Variants in CCDC102B observed in about 807,000 individuals in gnomAD.
CCDC102B encodes coiled-coil domain-containing protein 102B.
In CCDC102B, 75 loss-of-function variants were observed where a neutral mutation model predicts 57.4. The ratio of observed to expected loss-of-function variants is 1.31; its 90% CI spans 1.08 to 1.58. The LOEUF (loss-of-function observed/expected upper bound fraction) is 1.58, where lower values mean the gene tolerates loss of function less well. Among genes scored for constraint, CCDC102B ranks in the 40% most tolerant of loss-of-function variants. The pLI is 0.00. For synonymous variants in CCDC102B, 206 were observed against 201.9 expected (o/e 1.02, Z -0.17); for missense variants, 636 against 582.6 (o/e 1.09, Z -0.94).
At chr18:68,779,886 T>C (rs968908579) in intron 2 of CCDC102B, among the ~76,000 whole-genome samples, 16 of 152,078 alleles carry the variant, frequency 1.1e-4, no homozygotes, top group Non-Finnish European at 2.4e-4. Flanking sequence ...CCATTTAAAA[T>C]GTACAGTTCA....
At chr18:68,781,954 A>G (rs551866930) in intron 2 of CCDC102B, among the ~76,000 whole-genome samples, 7 of 152,242 alleles carry the variant, frequency 4.6e-5, no homozygotes, top group African/African-American at 1.7e-4. Flanking sequence ...TAGACAAATA[A>G]TGTAAATACT....
intron 1 of CCDC102B, among the ~76,000 whole-genome samples, chr18:68,822,996 C>T (rs2036755427): frequency 1.3e-5 from 2 of 152,166 alleles, no homozygotes; most frequent in Admixed American, 6.5e-5. Context: ...CCCCACACTC[C>T]CCTGTAGCAC....
intron 2 of CCDC102B, among the ~76,000 whole-genome samples, chr18:68,752,844 T>G (rs2033911074): frequency 6.6e-6 from 1 of 152,188 alleles, no homozygotes; most frequent in African/African-American, 2.4e-5. Context: ...TGGTGTATAT[T>G]TCTTATTACT....
intron 6 of CCDC102B, among the ~76,000 whole-genome samples, chr18:69,009,924 A>ATTTTT (rs770668683): frequency 0.14 from 4,562 of 33,226 alleles, 1,723 homozygotes; most frequent in Non-Finnish European, 0.22. Flanking sequence ...TTTAATAAAG[A>ATTTTT]TTTTTTTTTT....
intron 1 of CCDC102B, among the ~76,000 whole-genome samples, chr18:68,822,738 T>A (rs1243522638): frequency 6.6e-6 from 1 of 152,234 alleles, no homozygotes; most frequent in Non-Finnish European, 1.5e-5. Flanking sequence ...TTTGGTTTTC[T>A]GTTCTTGCAT....
At chr18:68,751,080 T>C (rs866664778) in intron 2 of CCDC102B, among the ~76,000 whole-genome samples, 1 of 151,942 alleles carries the variant, frequency 6.6e-6, no homozygotes, top group East Asian at 1.9e-4. Flanking sequence ...CACAGAGAGA[T>C]AAAACAATAG....
chr18:68,810,698 T>A lies in CCDC102B; in HGVS notation c.-16+12517T>A, dbSNP rs1017194592. On this transcript the variant is annotated intron_variant, in intron 1 of 7. Coordinates refer to ENST00000360242, the MANE Select transcript of CCDC102B (RefSeq NM_024781.3). ...TTTCTTTGTTTTTTTTTTTTTTTTT[T>A]TTTTTTTTTATGCTTTAAGTTCTAG... Among the ~76,000 whole-genome samples the A allele has an allele frequency of 8.2e-5, 12 of 146,120 alleles. 1 individual carries two copies. Among genetic ancestry groups the A allele is most frequent in the African/African-American group, 3.0e-4 (12 of 40,020 alleles).
At chr18:68,976,699 A>C (rs568517099) in intron 6 of CCDC102B, among the ~76,000 whole-genome samples, 3 of 152,014 alleles carry the variant, frequency 2.0e-5, no homozygotes, top group Admixed American at 2.0e-4. Context: ...AACCCATCAT[A>C]TGTCTATTTC....
At chr18:68,932,682 A>G (rs1488923006) in intron 6 of CCDC102B, among the ~76,000 whole-genome samples, 1 of 151,978 alleles carries the variant, frequency 6.6e-6, no homozygotes, top group Non-Finnish European at 1.5e-5. Flanking sequence ...GGGAGAAGAT[A>G]CTAAACAAAA....
chr18:68,982,189 T>C (rs1030855244), intron 6 of CCDC102B, among the ~76,000 whole-genome samples: 1 of 151,866 alleles, frequency 6.6e-6, no homozygotes, highest in African/African-American at 2.4e-5. Context: ...ACTTAACTGC[T>C]GTAGTTCAAA....
chr18:68,897,540 A>G (rs1417130030), intron 6 of CCDC102B, 112 bp downstream of exon 6: 3 of 1,550,328 alleles, frequency 1.9e-6, no homozygotes, highest in South Asian at 1.1e-5. Context: ...CTTTTGTGCC[A>G]GCTAATACCT....
At chr18:68,914,329 G>A (rs1284376329) in intron 6 of CCDC102B, among the ~76,000 whole-genome samples, 1 of 152,150 alleles carries the variant, frequency 6.6e-6, no homozygotes, top group Non-Finnish European at 1.5e-5. Flanking sequence ...AGTGACTGCG[G>A]GTGTGTGAGT....
intron 6 of CCDC102B, among the ~76,000 whole-genome samples, chr18:68,911,714 T>A (rs1441610866): frequency 1.2e-4 from 13 of 110,168 alleles, no homozygotes; most frequent in Non-Finnish European, 1.8e-4. Flanking sequence ...ATCGCGCCAC[T>A]GCACTCCAGC....
intron 6 of CCDC102B, among the ~76,000 whole-genome samples, chr18:68,998,157 AT>A (rs1334985785): frequency 4.0e-5 from 6 of 150,438 alleles, no homozygotes; most frequent in Admixed American, 6.6e-5. Context: ...ATGAGGTTTG[AT>A]TTTTTTTTAA....
At chr18:68,954,396 G>A (rs1489541884) in intron 6 of CCDC102B, among the ~76,000 whole-genome samples, 1 of 152,106 alleles carries the variant, frequency 6.6e-6, no homozygotes, top group Non-Finnish European at 1.5e-5. Flanking sequence ...CTCCAGCCTG[G>A]GTGACAGAGT....
At chr18:68,885,763 G>T in intron 5 of CCDC102B, among the ~76,000 whole-genome samples, 1 of 151,946 alleles carries the variant, frequency 6.6e-6, no homozygotes, top group East Asian at 1.9e-4. Context: ...AAAAACATGA[G>T]TTAGGAAGTA....
chr18:68,861,352 T>C (rs911593726), intron 4 of CCDC102B, among the ~76,000 whole-genome samples: 6 of 152,142 alleles, frequency 3.9e-5, no homozygotes, highest in Non-Finnish European at 8.8e-5. Context: ...GCATGACATA[T>C]AAGTTTTGAC....
intron 6 of CCDC102B, among the ~76,000 whole-genome samples, chr18:68,949,150 T>C (rs2049624570): frequency 1.3e-5 from 2 of 152,104 alleles, no homozygotes; most frequent in Non-Finnish European, 2.9e-5. Flanking sequence ...CTCACCCAGA[T>C]TGAGGGTGGG....
intron 6 of CCDC102B, among the ~76,000 whole-genome samples, chr18:68,934,915 C>T (rs556202810): frequency 5.8e-4 from 88 of 151,830 alleles, no homozygotes; most frequent in Admixed American, 1.4e-3. Context: ...TATTTGAGGA[C>T]ATAGTATGCT....
Sources: gnomAD v4.1 joint callset for allele counts (sites outside exome capture counted in the v4.1 genomes callset) on GRCh38, gnomAD v4.1.1 for gene constraint, MANE v1.5 for transcripts, NCBI Gene and HGNC (gene_info 2026-07-23, HGNC 2026-07-21) for gene names.